ACTR3C: variants seen among roughly 807,000 people sequenced by gnomAD.
ACTR3C encodes actin related protein 3C.
In ACTR3C, 18 loss-of-function variants were observed where a neutral mutation model predicts 26.3. The observed-to-expected ratio is 0.68, with a 90% CI of 0.47 to 1.01. ACTR3C has a LOEUF of 1.01. Among genes scored for constraint, ACTR3C ranks in the 50% least tolerant of loss-of-function variants. ACTR3C has a pLI of 0.00. For missense variants in ACTR3C, 184 were observed against 250.7 expected (o/e 0.73, Z 1.80); for synonymous variants, 55 against 94.5 (o/e 0.58, Z 2.42).
the ACTR3C span, among the ~76,000 whole-genome samples, chr7:149,927,367 G>A: frequency 0.011 from 1,734 of 151,144 alleles, 33 homozygotes; most frequent in African/African-American, 0.04. Flanking sequence ...GAAGTGGGGT[G>A]GCTTTTGGGA....
chr7:149,952,387 C>T, the ACTR3C span, among the ~76,000 whole-genome samples: 2 of 147,426 alleles, frequency 1.4e-5, no homozygotes, highest in Admixed American at 6.6e-5. Flanking sequence ...TCTATTTTAG[C>T]TTGAATATGC....
At chr7:150,276,209 G>T (rs954136779) in intron 6 of ACTR3C, among the ~76,000 whole-genome samples, 1 of 152,044 alleles carries the variant, frequency 6.6e-6, no homozygotes, top group Non-Finnish European at 1.5e-5. Context: ...ATCAAATGCG[G>T]TATTAAAAAT....
the ACTR3C span, among the ~76,000 whole-genome samples, chr7:149,888,220 CCT>C: frequency 6.6e-6 from 1 of 152,224 alleles, no homozygotes; most frequent in African/African-American, 2.4e-5. Context: ...TGTCCACCCC[CCT>C]ATTAATGACC....
the ACTR3C span, among the ~76,000 whole-genome samples, chr7:150,039,247 C>T: frequency 1.0e-4 from 15 of 148,432 alleles, no homozygotes; most frequent in South Asian, 2.2e-4. Flanking sequence ...GAACCAGGGG[C>T]TGGCTCTCAA....
chr7:150,034,868 G>C, the ACTR3C span, among the ~76,000 whole-genome samples: 3 of 149,732 alleles, frequency 2.0e-5, no homozygotes, highest in Non-Finnish European at 4.5e-5. Context: ...GGGGGAACAG[G>C]GGCTGGCTCT....
downstream of ACTR3C, among the ~76,000 whole-genome samples, chr7:150,242,768 G>A (rs1322687933): frequency 6.6e-6 from 1 of 152,130 alleles, no homozygotes; most frequent in Non-Finnish European, 1.5e-5. Context: ...GTGGAGGGAA[G>A]GAGTATCAGC....
the ACTR3C span, among the ~76,000 whole-genome samples, chr7:150,114,455 C>T: frequency 6.6e-6 from 1 of 150,626 alleles, no homozygotes; most frequent in Non-Finnish European, 1.5e-5. Context: ...GAACAGGTCT[C>T]GGTAGGAGTT....
the ACTR3C span, among the ~76,000 whole-genome samples, chr7:149,887,437 G>A: frequency 6.6e-6 from 1 of 152,358 alleles, no homozygotes; most frequent in South Asian, 2.1e-4. Flanking sequence ...GCTGCCTGCT[G>A]CAGTGCATCT....
chr7:150,293,705 G>T (rs1207970703), intron 2 of ACTR3C, among the ~76,000 whole-genome samples: 1 of 152,246 alleles, frequency 6.6e-6, no homozygotes, highest in East Asian at 1.9e-4. Flanking sequence ...GGAGGCCAAG[G>T]TAGGCAGATC....
chr7:150,262,611 AAG>A (rs1174585604), intron 6 of ACTR3C, among the ~76,000 whole-genome samples: 9 of 152,256 alleles, frequency 5.9e-5, no homozygotes, highest in Admixed American at 2.6e-4. Flanking sequence ...AGGCAGGGCT[AAG>A]AGTTTCCCAA....
At chr7:150,279,903 C>T (rs974947246) in intron 6 of ACTR3C, among the ~76,000 whole-genome samples, 2 of 152,104 alleles carry the variant, frequency 1.3e-5, no homozygotes, top group Non-Finnish European at 1.5e-5. Context: ...AGACAAGAAC[C>T]GAATCATCTC....
chr7:150,143,347 A>C, the ACTR3C span, among the ~76,000 whole-genome samples: 1 of 152,158 alleles, frequency 6.6e-6, no homozygotes, highest in Non-Finnish European at 1.5e-5. Context: ...CAGAGTTATG[A>C]TATCAAAGCA....
the ACTR3C span, among the ~76,000 whole-genome samples, chr7:150,038,462 G>A: frequency 6.1e-3 from 870 of 143,072 alleles, 59 homozygotes; most frequent in Middle Eastern, 0.021. Flanking sequence ...CAAAAGTTCC[G>A]GGTCCCCGCC....
chr7:150,134,232 T>TAAAAAA, the ACTR3C span, among the ~76,000 whole-genome samples: 1 of 125,292 alleles, frequency 8.0e-6, no homozygotes, highest in African/African-American at 2.8e-5. Context: ...CTATATGCAG[T>TAAAAAA]AAAAAAAAAA....
At chr7:150,289,427 G>A (rs1313851470) in intron 4 of ACTR3C, 23 bp downstream of exon 4, 2 of 1,561,640 alleles carry the variant, frequency 1.3e-6, no homozygotes, top group African/African-American at 2.9e-5. Flanking sequence ...CCCCAAACCA[G>A]CCGGTTTCCC....
the ACTR3C span, among the ~76,000 whole-genome samples, chr7:150,228,778 T>A: frequency 0.035 from 5,159 of 146,980 alleles, 156 homozygotes; most frequent in African/African-American, 0.075. Context: ...CTACAGCAAC[T>A]ATAAAAAAAT....
chr7:149,926,654 C>G, the ACTR3C span, among the ~76,000 whole-genome samples: 3 of 152,054 alleles, frequency 2.0e-5, no homozygotes, highest in Admixed American at 2.0e-4. Context: ...GAAGCTTGCC[C>G]CGGTTTCCTG....
At chr7:150,245,194 T>A (rs141056149), downstream of ACTR3C, 542 of 152,336 alleles carry the variant, frequency 3.6e-3, no homozygotes, top group African/African-American at 0.012. Flanking sequence ...TAAAAGGAAT[T>A]CATTATCAAC....
At chr7:149,925,988 A>G in the ACTR3C span, among the ~76,000 whole-genome samples, 1 of 152,076 alleles carries the variant, frequency 6.6e-6, no homozygotes, top group African/African-American at 2.4e-5. Flanking sequence ...GCTTGAATCC[A>G]GGAGGTGGAG....
Sources: allele counts gnomAD v4.1 joint callset (sites outside exome capture counted in the v4.1 genomes callset), GRCh38; gene constraint gnomAD v4.1.1; transcripts MANE v1.5; gene names NCBI Gene and HGNC (gene_info 2026-07-23, HGNC 2026-07-21).